Variants in SLC36A3 observed in about 807,000 individuals in gnomAD.
The protein encoded by SLC36A3 is solute carrier family 36 member 3, also known as proton-coupled amino acid transporter 3.
In SLC36A3, 35 loss-of-function variants were observed where a neutral mutation model predicts 44.3. The observed-to-expected ratio is 0.79, with a 90% CI of 0.60 to 1.05. The LOEUF is 1.05. SLC36A3 is among the 50% of genes least tolerant of loss of function. The pLI is 0.00. For synonymous variants in SLC36A3, 211 were observed against 227.6 expected, an observed-to-expected ratio of 0.93 and a Z score of 0.66; for missense variants, 540 against 578.7, an observed-to-expected ratio of 0.93 and a Z score of 0.69.
At chr5:151,283,642 A>G (rs1276136861) in intron 8 of SLC36A3, among the ~76,000 whole-genome samples, 2 of 152,232 alleles carry the variant, frequency 1.3e-5, no homozygotes, top group Admixed American at 6.5e-5. Flanking sequence ...TAAATGCACC[A>G]TCATCCTACT....
chr5:151,299,264 C>CTCTCTATATATATATATATATATATA (rs1372309288), intron 1 of SLC36A3, among the ~76,000 whole-genome samples: 1 of 59,646 alleles, frequency 1.7e-5, no homozygotes, highest in Non-Finnish European at 3.1e-5. Context: ...CTCTCTCTCT[C>CTCTCTATATATATATATATATATATA]TATATATATA....
intron 3 of SLC36A3, among the ~76,000 whole-genome samples, chr5:151,294,698 C>T (rs929297573): frequency 3.3e-5 from 5 of 151,580 alleles, no homozygotes; most frequent in African/African-American, 7.3e-5. Context: ...GGTGCGATCT[C>T]GGCTCACCAA....
chr5:151,284,331 G>T, intron 7 of SLC36A3, 121 bp from the exon 8 acceptor site: 1 of 989,062 alleles, frequency 1.0e-6, no homozygotes, highest in Non-Finnish European at 1.5e-6. Flanking sequence ...ATCAGAAAGG[G>T]GACTCTCCAC....
intron 1 of SLC36A3, among the ~76,000 whole-genome samples, chr5:151,301,277 T>C (rs964904416): frequency 1.3e-5 from 2 of 152,182 alleles, no homozygotes; most frequent in Non-Finnish European, 2.9e-5. Context: ...TTTGCAGGAC[T>C]AACAAATTAG....
rs17659864 is a variant in SLC36A3, at chr5:151,276,987, T to C, written c.*406A>G. 0.22 allele frequency: 40,422 copies of C among 187,962 alleles called. 5,393 individuals are homozygous for C. The highest frequency in any genetic ancestry group is 0.38 in the Admixed American group (7,181 of 18,864). The allele number at this position is 187,962 out of a possible 1,614,324, so 11.6% of individuals were successfully genotyped here. A position where few individuals can be genotyped will look rare whatever the true frequency, so the allele number is the denominator to read the frequency against. On this transcript the variant is annotated 3_prime_UTR_variant, in exon 10 of 10. Transcript: ENST00000335230. Reference sequence around the variant, plus strand: ...GACTCTTCTACTTAGAATATCTAAATAGAAAACTCCCTTCGCCCAACATAC... The same window carrying C: ...GACTCTTCTACTTAGAATATCTAAACAGAAAACTCCCTTCGCCCAACATAC...
intron 4 of SLC36A3, among the ~76,000 whole-genome samples, chr5:151,289,866 A>C (rs1324118436): frequency 6.6e-6 from 1 of 152,062 alleles, no homozygotes; most frequent in Admixed American, 6.5e-5. Context: ...GGAAATGTAC[A>C]TTTTCCCTTT....
chr5:151,298,626 C>A lies in SLC36A3; in HGVS notation c.186G>T (p.Gly62=). Residue 62 remains glycine, a synonymous_variant, in exon 2 of 10, where the codon GGG becomes GGT. Transcript: ENST00000335230. ...CGGCATTCTTTATGGCCAGGGGAAG[C>A]CCCAGGAGCCCTGTGCCAATGTTGC... The part of the protein sequence containing the change: ...LKCNIGTGLL[G]LPLAIKNAGL... The A allele has an allele frequency of 6.2e-7, 1 of 1,614,196 alleles. No individual in the cohort carries two copies. The highest frequency in any genetic ancestry group is 8.5e-7 in the Non-Finnish European group (1 of 1,180,044).
intron 4 of SLC36A3, among the ~76,000 whole-genome samples, chr5:151,290,062 C>CT (rs34094246): frequency 2.0e-5 from 3 of 151,816 alleles, no homozygotes; most frequent in East Asian, 1.9e-4. Context: ...GTTTTCTCCT[C>CT]TTTTTTTTGG....
At chr5:151,289,162 A>ATATACATATATACAGTTTCTATTT (rs1322618922) in intron 4 of SLC36A3, 1 of 152,490 alleles carries the variant, frequency 6.6e-6, no homozygotes, top group African/African-American at 2.4e-5. Context: ...ATCTTCATAT[A>ATATACATATATACAGTTTCTATTT]TATACATATA....
intron 7 of SLC36A3, 29 bp downstream of exon 7, chr5:151,284,584 A>G: frequency 6.4e-7 from 1 of 1,559,108 alleles, no homozygotes; most frequent in Non-Finnish European, 8.8e-7. Flanking sequence ...GGCGCTAGGG[A>G]CCATTCGCGT....
intron 5 of SLC36A3, among the ~76,000 whole-genome samples, chr5:151,288,125 A>G (rs1754613552): frequency 6.6e-6 from 1 of 152,186 alleles, no homozygotes; most frequent in Non-Finnish European, 1.5e-5. Flanking sequence ...TTTTCAGGCT[A>G]ACAATTATCA....
At chr5:151,288,192 C>T (rs763769092) in intron 5 of SLC36A3, among the ~76,000 whole-genome samples, 194 bp downstream of exon 5, 6 of 152,196 alleles carry the variant, frequency 3.9e-5, no homozygotes, top group African/African-American at 1.4e-4. Context: ...CTAAACTCTT[C>T]AGAAGTTACT....
intron 8 of SLC36A3, among the ~76,000 whole-genome samples, chr5:151,282,107 C>CTTT (rs1221489311): frequency 1.1e-4 from 8 of 75,614 alleles, no homozygotes; most frequent in South Asian, 4.6e-4. Context: ...TTTTCTTTTT[C>CTTT]TTTGTTTTTT....
intron 9 of SLC36A3, 126 bp from the exon 10 acceptor site, chr5:151,277,787 G>T: frequency 1.7e-6 from 2 of 1,188,276 alleles, no homozygotes; most frequent in East Asian, 2.6e-5. Flanking sequence ...CCTACTGCAG[G>T]CTTGGGGAGG....
In SLC36A3 at chr5:151,303,475, A is replaced by G; in HGVS notation, c.-121T>C. On this transcript the variant is annotated 5_prime_UTR_variant, in exon 1 of 10. Transcript: ENST00000335230. Reference sequence around the variant, plus strand: ...GAGATGCTGGCTCCTAACCCCAAGGATGCGTGCTGCTGGCTGAAGCCTGAA... The same window carrying G: ...GAGATGCTGGCTCCTAACCCCAAGGGTGCGTGCTGCTGGCTGAAGCCTGAA... The G allele has an allele frequency of 8.9e-7, 1 of 1,118,528 alleles. No homozygotes were observed. The highest frequency in any genetic ancestry group is 1.3e-6 in the Non-Finnish European group (1 of 786,394). The allele number at this position is 1,118,528 out of a possible 1,614,324, so 69.3% of individuals were successfully genotyped here. A position where few individuals can be genotyped will look rare whatever the true frequency, so the allele number is the denominator to read the frequency against.
chr5:151,291,905 G>A (rs908621348), intron 4 of SLC36A3, among the ~76,000 whole-genome samples: 7 of 152,252 alleles, frequency 4.6e-5, no homozygotes, highest in Admixed American at 2.0e-4. Flanking sequence ...CTGTCACCCA[G>A]GCTGGAGTGC....
chr5:151,298,499 A>G (rs1318601943), intron 2 of SLC36A3, 94 bp downstream of exon 2: 8 of 1,216,586 alleles, frequency 6.6e-6, no homozygotes, highest in African/African-American at 1.5e-5. Context: ...GTACCCCCAA[A>G]TTGCCCATTG....
intron 9 of SLC36A3, among the ~76,000 whole-genome samples, chr5:151,279,897 T>C (rs1397047353): frequency 1.3e-5 from 2 of 152,214 alleles, no homozygotes; most frequent in Non-Finnish European, 2.9e-5. Flanking sequence ...CCTTCACTTT[T>C]ACAATAATCC....
chr5:151,277,287 CTAAT>C lies in SLC36A3; in HGVS notation c.*102_*105del. ...TTCTCTTGGAAAGATAAAGACGCCA[CTAAT>C]TAATATAGAGATGTTGGGATTTGAT... On this transcript the variant is annotated 3_prime_UTR_variant, in exon 10 of 10. Coordinates refer to ENST00000335230, the MANE Select transcript of SLC36A3 (RefSeq NM_181774.4). 7.1e-7 allele frequency: 1 copy of C among 1,408,796 alleles called. No homozygotes were observed. The highest frequency in any genetic ancestry group is 2.3e-5 in the East Asian group (1 of 43,534). 87.3% of individuals were successfully genotyped at this position (1,408,796 alleles called of 1,614,324 possible). A position where few individuals can be genotyped will look rare whatever the true frequency, so the allele number is the denominator to read the frequency against.
Sources: gnomAD v4.1 joint callset for allele counts (sites outside exome capture counted in the v4.1 genomes callset) on GRCh38, gnomAD v4.1.1 for gene constraint, MANE v1.5 for transcripts, NCBI Gene and HGNC (gene_info 2026-07-23, HGNC 2026-07-21) for gene names.